The following TBL1XR1 variants were observed in gnomAD, a reference collection of about 807,000 sequenced individuals.
The protein encoded by TBL1XR1 is TBL1X/Y related 1, also known as F-box-like/WD repeat-containing protein TBL1XR1.
In TBL1XR1, 5 loss-of-function variants were observed where a neutral mutation model predicts 66.9. The observed-to-expected ratio is 0.07, with a 90% CI of 0.04 to 0.16. The LOEUF is 0.16. Among genes scored for constraint, TBL1XR1 ranks in the 10% least tolerant of loss-of-function variants. The pLI is 1.00. For synonymous variants in TBL1XR1, 210 were observed against 206.0 expected (o/e 1.02, Z -0.17); for missense variants, 238 against 623.2 (o/e 0.38, Z 6.58).
intron 1 of TBL1XR1, among the ~76,000 whole-genome samples, chr3:177,134,993 T>C (rs978502851): frequency 1.5e-4 from 6 of 40,256 alleles, no homozygotes; most frequent in African/African-American, 4.8e-4. Flanking sequence ...GTGTGTGTGT[T>C]TTGAGACGGC....
intron 1 of TBL1XR1, among the ~76,000 whole-genome samples, chr3:177,115,986 C>T (rs1306780837): frequency 1.3e-5 from 2 of 152,108 alleles, no homozygotes; most frequent in Non-Finnish European, 2.9e-5. Context: ...GAAGCTTTTG[C>T]TTTAATGAAA....
chr3:177,090,190 T>G (rs763393724), intron 2 of TBL1XR1, among the ~76,000 whole-genome samples: 6 of 152,186 alleles, frequency 3.9e-5, no homozygotes, highest in African/African-American at 1.4e-4. Context: ...CTCCAGAATA[T>G]TTAAGAATAC....
chr3:177,056,846 T>C (rs1453703378), intron 3 of TBL1XR1, among the ~76,000 whole-genome samples: 1 of 152,160 alleles, frequency 6.6e-6, no homozygotes, highest in African/African-American at 2.4e-5. Flanking sequence ...GCTCATCACC[T>C]TACCTTTTCT....
intron 2 of TBL1XR1, among the ~76,000 whole-genome samples, chr3:177,095,643 C>T (rs1004186387): frequency 1.3e-5 from 2 of 151,944 alleles, no homozygotes; most frequent in Non-Finnish European, 2.9e-5. Flanking sequence ...CCACGCCTGG[C>T]TAATTTTTGT....
In TBL1XR1 at chr3:177,021,490, A is replaced by C. The variant is rs1303992685; in HGVS notation, c.*4008T>G. 1 of 152,584 alleles carries C rather than the reference A, an allele frequency of 6.6e-6. No homozygotes were observed. Among genetic ancestry groups the C allele is most frequent in the Non-Finnish European group, 1.5e-5 (1 of 67,986 alleles). The allele number at this position is 152,584 out of a possible 1,614,324, so 9.5% of individuals were successfully genotyped here. On this transcript the variant is annotated 3_prime_UTR_variant, in exon 16 of 16. Transcript: ENST00000457928. Reference sequence around the variant, plus strand: ...TACTGATATAAGACATCAAATTTCTAAATCAGTGTATTAAAAAAGTGAACA... The same window carrying C: ...TACTGATATAAGACATCAAATTTCTCAATCAGTGTATTAAAAAAGTGAACA...
At chr3:177,105,939 CA>C (rs1406074672) in intron 1 of TBL1XR1, among the ~76,000 whole-genome samples, 1 of 151,936 alleles carries the variant, frequency 6.6e-6, no homozygotes, top group African/African-American at 2.4e-5. Context: ...TACTAAATTG[CA>C]AAGTGAGAGG....
intron 10 of TBL1XR1, chr3:177,041,288 T>C (rs1347495419): frequency 5.3e-5 from 8 of 152,302 alleles, no homozygotes; most frequent in Admixed American, 5.2e-4. Flanking sequence ...GTGTTGTGTA[T>C]GTTTTTGGGA....
At chr3:177,163,735 TA>T (rs1376545955) in intron 1 of TBL1XR1, among the ~76,000 whole-genome samples, 1 of 151,944 alleles carries the variant, frequency 6.6e-6, no homozygotes, top group East Asian at 1.9e-4. Flanking sequence ...AGTAACTTGG[TA>T]GGGGTAGGGG....
At chr3:177,098,219 A>C (rs539220904) in intron 2 of TBL1XR1, among the ~76,000 whole-genome samples, 1 of 110,782 alleles carries the variant, frequency 9.0e-6, no homozygotes, top group Admixed American at 9.8e-5. Context: ...TCTCAAAAAA[A>C]CATAAAAAGA....
chr3:177,159,497 A>G (rs1282898575), intron 1 of TBL1XR1, among the ~76,000 whole-genome samples: 2 of 152,236 alleles, frequency 1.3e-5, no homozygotes, highest in South Asian at 2.1e-4. Context: ...CTTGATCAAA[A>G]TAACTACTTG....
At chr3:177,160,434 A>T (rs545638056) in intron 1 of TBL1XR1, among the ~76,000 whole-genome samples, 1 of 151,516 alleles carries the variant, frequency 6.6e-6, no homozygotes, top group South Asian at 2.1e-4. Flanking sequence ...AGATTGCGCC[A>T]CTGCACTCCA....
chr3:177,068,646 C>T (rs2108552673), intron 2 of TBL1XR1, among the ~76,000 whole-genome samples: 1 of 152,278 alleles, frequency 6.6e-6, no homozygotes, highest in East Asian at 1.9e-4. Flanking sequence ...TAATCCTCTC[C>T]TAGTTCTCCT....
Position 177,108,861 on chromosome 3 carries a change from G to T in TBL1XR1, c.-121-10320C>A, listed in dbSNP as rs561670157. 3.9e-5 allele frequency among the ~76,000 whole-genome samples: 6 copies of T among 152,212 alleles called. No homozygotes were observed. The East Asian group carries it at 1.2e-3, about 29-fold the overall frequency. On this transcript the variant is annotated intron_variant, in intron 1 of 15. Coordinates refer to ENST00000457928, the MANE Select transcript of TBL1XR1 (RefSeq NM_024665.7). Reference sequence around the variant, plus strand: ...CTTTGCCAGAGCAAATAGAAGGAAGGAAGAAACAGAAAACACTGGCCATAA... The same window carrying T: ...CTTTGCCAGAGCAAATAGAAGGAAGTAAGAAACAGAAAACACTGGCCATAA...
intron 1 of TBL1XR1, among the ~76,000 whole-genome samples, chr3:177,147,490 G>GA (rs1342336810): frequency 6.6e-6 from 1 of 152,202 alleles, no homozygotes; most frequent in East Asian, 1.9e-4. Context: ...CACAGTGAAA[G>GA]AAAGTACTTA....
At chr3:177,139,536 G>A (rs931473733) in intron 1 of TBL1XR1, among the ~76,000 whole-genome samples, 25 of 24,098 alleles carry the variant, frequency 1.0e-3, no homozygotes, top group African/African-American at 5.2e-3. Flanking sequence ...CTCCATCTCG[G>A]GGGGAAAAAA....
chr3:177,143,446 ATT>A (rs1335150190), intron 1 of TBL1XR1, among the ~76,000 whole-genome samples: 2 of 152,158 alleles, frequency 1.3e-5, no homozygotes, highest in Non-Finnish European at 2.9e-5. Flanking sequence ...CTTTAATGTG[ATT>A]TTAAAACTTG....
At chr3:177,166,412 A>G (rs1382667149) in intron 1 of TBL1XR1, among the ~76,000 whole-genome samples, 1 of 152,176 alleles carries the variant, frequency 6.6e-6, no homozygotes. Context: ...CACATCATAT[A>G]CTGATATGGT....
chr3:177,191,514 T>C (rs1459890296), intron 1 of TBL1XR1, among the ~76,000 whole-genome samples: 1 of 152,232 alleles, frequency 6.6e-6, no homozygotes, highest in African/African-American at 2.4e-5. Context: ...GTCACAGTAC[T>C]TGTCAAAGCA....
rs1721715329 is a variant in TBL1XR1 at position 177,083,571 on chromosome 3, A to C, written c.-46+14895T>G. Among the ~76,000 whole-genome samples the C allele has an allele frequency of 1.3e-5, 2 of 152,220 alleles. 1 individual carries two copies. The highest frequency in any genetic ancestry group is 4.1e-4 in the South Asian group (2 of 4,828). ...AATCTGACTTCGAGAAATATCATTC[A>C]CTGGTCTCTATTTTATCTTAACATT... On this transcript the variant is annotated intron_variant, in intron 2 of 15. Transcript: ENST00000457928.
Sources: allele counts gnomAD v4.1 joint callset (sites outside exome capture counted in the v4.1 genomes callset), GRCh38; gene constraint gnomAD v4.1.1; transcripts MANE v1.5; gene names NCBI Gene and HGNC (gene_info 2026-07-23, HGNC 2026-07-21).